The following ANKRD17 variants were observed in gnomAD, a reference collection of about 807,000 sequenced individuals.
The protein encoded by ANKRD17 is ankyrin repeat domain-containing protein 17.
A neutral mutation model predicts 229.7 loss-of-function variants in ANKRD17; 19 were observed. The observed-to-expected ratio is 0.08, with a 90% CI of 0.06 to 0.12. The LOEUF is 0.12. Ranked by LOEUF, ANKRD17 falls within the 10% of genes least tolerant of loss-of-function variation. The pLI is 1.00. For synonymous variants in ANKRD17, 1,112 were observed against 1,146.1 expected (o/e 0.97, Z 0.60); for missense variants, 2,176 against 3,176.8 (o/e 0.68, Z 7.57).
Position 73,135,210 on chromosome 4 carries a change from T to C in ANKRD17, c.3141A>G (p.Ala1047=), listed in dbSNP as rs1418712158. 1.2e-6 allele frequency: 2 copies of C among 1,613,852 alleles called. No individual in the cohort carries two copies. Among genetic ancestry groups the C allele is most frequent in the Admixed American group, 1.7e-5 (1 of 59,998 alleles). Residue 1047 remains alanine (A), a synonymous_variant, in exon 16 of 34, where the codon GCA becomes GCG. Transcript: ENST00000358602. The stretch of plus-strand genomic sequence containing the variant: ...TTGGAGTCTGAGGTTGGGAAATGGA[T>C]GCAGCAATACTGTGGGTAGGAGTGT... The part of the protein sequence containing the change: ...MSNTPTHSIA[A]SISQPQTPTP...
At position 73,244,218 on chromosome 4, in the gene ANKRD17, C is replaced by T. The variant is rs113334477; in HGVS notation, c.393+14058G>A. The stretch of plus-strand genomic sequence containing the variant: ...TTTTTAAAGGACTTATCTCCAAGTA[C>T]AATCACATTCTGAAATACTTGGGGT... On this transcript the variant is annotated intron_variant, in intron 1 of 33. Transcript: ENST00000358602. Among the ~76,000 whole-genome samples the T allele has an allele frequency of 7.8e-3, 1,187 of 152,228 alleles. 17 individuals are homozygous for T. The highest frequency in any genetic ancestry group is 0.027 in the African/African-American group (1,121 of 41,554).
At chr4:73,196,474 TATTTC>T (rs1270294642) in intron 1 of ANKRD17, among the ~76,000 whole-genome samples, 5 of 152,246 alleles carry the variant, frequency 3.3e-5, no homozygotes, top group African/African-American at 9.6e-5. Flanking sequence ...AATTCTGATA[TATTTC>T]ATTTAATTCA....
intron 14 of ANKRD17, 47 bp from the exon 15 acceptor site, chr4:73,140,330 T>G (rs1165311170): frequency 6.6e-7 from 1 of 1,524,866 alleles, no homozygotes; most frequent in East Asian, 2.3e-5. Context: ...AATGGCATCC[T>G]CATTACAGAG....
chr4:73,157,225 C>T (rs980096127), intron 3 of ANKRD17, among the ~76,000 whole-genome samples: 1 of 152,064 alleles, frequency 6.6e-6, no homozygotes. Flanking sequence ...GTGAGTCCTT[C>T]CATCAAGTAA....
Position 73,091,222 on chromosome 4 carries a change from T to A in ANKRD17, c.6406A>T (p.Thr2136Ser), listed in dbSNP as rs750112253. Residue 2136 changes from threonine (T) to serine (S), a missense_variant, in exon 29 of 34, where the codon ACT (threonine) becomes TCT (serine). This residue lies in a region of ANKRD17 where 424 missense variants were observed against 454.0 expected (regional missense o/e 0.93). Coordinates refer to ENST00000358602, the MANE Select transcript of ANKRD17 (RefSeq NM_032217.5). ...GAACTTGTTGCTAAAGGAGGAACAG[T>A]CATTCTAACTTCCGGGGGAGGAACC... ...SQVPPPEVRM[T>S]VPPLATSSAP... 6.2e-7 allele frequency: 1 copy of A among 1,613,974 alleles called. No homozygotes were observed. Among genetic ancestry groups the A allele is most frequent in the African/African-American group, 1.3e-5 (1 of 74,880 alleles).
At chr4:73,191,903 G>A (rs965931209) in intron 1 of ANKRD17, among the ~76,000 whole-genome samples, 1 of 152,142 alleles carries the variant, frequency 6.6e-6, no homozygotes, top group East Asian at 1.9e-4. Context: ...ACTTGCACAT[G>A]TAAGCAACCA....
At chr4:73,135,421 T>C (rs1728768953) in intron 15 of ANKRD17, among the ~76,000 whole-genome samples, 156 bp from the exon 16 acceptor site, 1 of 152,230 alleles carries the variant, frequency 6.6e-6, no homozygotes, top group South Asian at 2.1e-4. Flanking sequence ...TATTATTCAC[T>C]GATGACAGTG....
At chr4:73,114,129 A>C (rs1725648750) in intron 23 of ANKRD17, among the ~76,000 whole-genome samples, 1 of 152,196 alleles carries the variant, frequency 6.6e-6, no homozygotes, top group Non-Finnish European at 1.5e-5. Context: ...TCTTCAAAAT[A>C]ATATCCATTT....
At chr4:73,202,799 G>C (rs1738854785) in intron 1 of ANKRD17, among the ~76,000 whole-genome samples, 1 of 152,148 alleles carries the variant, frequency 6.6e-6, no homozygotes, top group Non-Finnish European at 1.5e-5. Context: ...CAGTAGACTT[G>C]CAAAGGAGCA....
intron 2 of ANKRD17, among the ~76,000 whole-genome samples, chr4:73,168,745 C>T (rs1405627630): frequency 2.0e-5 from 3 of 152,160 alleles, no homozygotes; most frequent in Non-Finnish European, 2.9e-5. Context: ...CCCTGTTTTA[C>T]GTGTGTTTCT....
At chr4:73,242,742 G>C (rs1400653708) in intron 1 of ANKRD17, among the ~76,000 whole-genome samples, 1 of 152,118 alleles carries the variant, frequency 6.6e-6, no homozygotes, top group South Asian at 2.1e-4. Context: ...ATGACTTGTG[G>C]CTTATAAAAA....
intron 1 of ANKRD17, among the ~76,000 whole-genome samples, chr4:73,206,628 T>C (rs748872645): frequency 1.3e-4 from 20 of 152,158 alleles, no homozygotes; most frequent in South Asian, 1.0e-3. Flanking sequence ...GCTGAATTCA[T>C]AGAAGCAGTG....
At chr4:73,163,043 T>C (rs187408956) in intron 2 of ANKRD17, among the ~76,000 whole-genome samples, 2 of 151,720 alleles carry the variant, frequency 1.3e-5, no homozygotes, top group African/African-American at 4.8e-5. Context: ...TTTTTTTTTT[T>C]TTGTTAGAGA....
chr4:73,164,210 T>TA (rs1232266286), intron 2 of ANKRD17, among the ~76,000 whole-genome samples: 4 of 152,202 alleles, frequency 2.6e-5, no homozygotes, highest in Non-Finnish European at 5.9e-5. Context: ...GATCACTATA[T>TA]AACAAATATT....
At chr4:73,220,937 G>A (rs1741766262) in intron 1 of ANKRD17, among the ~76,000 whole-genome samples, 1 of 152,044 alleles carries the variant, frequency 6.6e-6, no homozygotes, top group Admixed American at 6.5e-5. Flanking sequence ...ATATTTTTCT[G>A]GAAAGCTCAT....
At chr4:73,152,489 G>A (rs1000706170) in intron 6 of ANKRD17, among the ~76,000 whole-genome samples, 1 of 152,082 alleles carries the variant, frequency 6.6e-6, no homozygotes, top group African/African-American at 2.4e-5. Flanking sequence ...CAGAAGGAGA[G>A]GAAGGGAAGG....
intron 7 of ANKRD17, among the ~76,000 whole-genome samples, chr4:73,149,876 A>G (rs13133680): frequency 0.13 from 19,716 of 152,066 alleles, 1,716 homozygotes; most frequent in East Asian, 0.28. Flanking sequence ...AAATGAATTA[A>G]AAAAGAAAAG....
At chr4:73,159,748 G>C (rs1431816842) in intron 3 of ANKRD17, among the ~76,000 whole-genome samples, 1 of 151,998 alleles carries the variant, frequency 6.6e-6, no homozygotes, top group Non-Finnish European at 1.5e-5. Context: ...AAAATATTTG[G>C]AGATTACCAA....
At chr4:73,215,653 A>G (rs567349436) in intron 1 of ANKRD17, among the ~76,000 whole-genome samples, 15 of 152,350 alleles carry the variant, frequency 9.8e-5, no homozygotes, top group Middle Eastern at 3.4e-3. Flanking sequence ...GATAAATTCA[A>G]AGTGCACAAT....
Sources: gnomAD v4.1 joint callset for allele counts (sites outside exome capture counted in the v4.1 genomes callset) on GRCh38, gnomAD v4.1.1 for gene constraint, gnomAD v4.1.1 regional missense constraint, MANE v1.5 for transcripts, NCBI Gene and HGNC (gene_info 2026-07-23, HGNC 2026-07-21) for gene names.